Variants in PARD3B observed in about 807,000 individuals in gnomAD.
The protein encoded by PARD3B is partitioning defective 3 homolog B.
Under a neutral mutation model 130.2 loss-of-function variants are expected in PARD3B, and 103 were observed. The ratio of observed to expected loss-of-function variants is 0.79; its 90% confidence interval spans 0.67 to 0.93. The LOEUF (loss-of-function observed/expected upper bound fraction) is 0.93. Among genes scored for constraint, PARD3B ranks in the 40% least tolerant of loss-of-function variants. PARD3B has a pLI of 0.00. For missense variants in PARD3B, 1,609 were observed against 1,499.2 expected (o/e 1.07, Z -1.21); for synonymous variants, 583 against 553.2 (o/e 1.05, Z -0.76).
At chr2:205,431,302 C>T (rs1329691022) in intron 19 of PARD3B, among the ~76,000 whole-genome samples, 1 of 152,106 alleles carries the variant, frequency 6.6e-6, no homozygotes, top group Non-Finnish European at 1.5e-5. Flanking sequence ...GTCTTGAACT[C>T]CTGACCTCAA....
At chr2:204,913,762 T>C (rs149062584) in intron 2 of PARD3B, among the ~76,000 whole-genome samples, 58 of 152,348 alleles carry the variant, frequency 3.8e-4, no homozygotes, top group South Asian at 1.2e-3. Flanking sequence ...ATTTAAGAAT[T>C]AACTAAAAAT....
chr2:204,901,020 G>A (rs2046835723), intron 2 of PARD3B, among the ~76,000 whole-genome samples: 1 of 152,000 alleles, frequency 6.6e-6, no homozygotes, highest in Non-Finnish European at 1.5e-5. Context: ...GGGGAGGGGT[G>A]ACACAAGGAC....
chr2:205,217,894 A>ATATAT (rs1559553191), intron 15 of PARD3B, among the ~76,000 whole-genome samples: 1 of 31,074 alleles, frequency 3.2e-5, no homozygotes, highest in Non-Finnish European at 5.8e-5. Flanking sequence ...ATATATATAT[A>ATATAT]TTTTTTTTTT....
chr2:205,067,893 A>G (rs1200968026), intron 4 of PARD3B, among the ~76,000 whole-genome samples: 2 of 152,086 alleles, frequency 1.3e-5, no homozygotes, highest in Non-Finnish European at 2.9e-5. Context: ...TCTGTTTTAT[A>G]TATTGCTGAA....
At chr2:205,419,975 G>A (rs368582926) in intron 19 of PARD3B, among the ~76,000 whole-genome samples, 2 of 152,228 alleles carry the variant, frequency 1.3e-5, no homozygotes. Context: ...ATATATTTTC[G>A]AAAGATTTGC....
At chr2:205,152,734 C>T (rs2161026) in intron 10 of PARD3B, among the ~76,000 whole-genome samples, 50,195 of 151,924 alleles carry the variant, frequency 0.33, 8,732 homozygotes, top group Admixed American at 0.46. Context: ...TTGTTATTAC[C>T]GATCTCCTGA....
intron 21 of PARD3B, among the ~76,000 whole-genome samples, chr2:205,519,664 A>G (rs1382610341): frequency 1.3e-5 from 2 of 152,100 alleles, no homozygotes; most frequent in Non-Finnish European, 2.9e-5. Flanking sequence ...TGGCCATTTG[A>G]GTTACTGGAG....
chr2:204,984,912 C>T (rs990508037), intron 3 of PARD3B, among the ~76,000 whole-genome samples: 1 of 151,958 alleles, frequency 6.6e-6, no homozygotes, highest in Non-Finnish European at 1.5e-5. Context: ...ACTGCCCACC[C>T]CCCCGCACCC....
Position 205,086,654 on chromosome 2 carries a change from GGAAACCTTTGGAGGCAC to G in PARD3B, c.505-17771_505-17755del, listed in dbSNP as rs539539322. ...CATGACAGTGGTGGAGGAAATGGGG[GGAAACCTTTGGAGGCAC>G]TCCTGAAAGAATGGAGAGAGAAATT... On this transcript the variant is annotated intron_variant, in intron 4 of 22. Coordinates refer to ENST00000406610, the MANE Select transcript of PARD3B (RefSeq NM_001302769.2). Among the ~76,000 whole-genome samples the G allele has an allele frequency of 6.4e-4, 98 of 152,212 alleles. 2 individuals are homozygous for G. In the East Asian group the frequency reaches 0.018, roughly 28 times the overall value.
intron 21 of PARD3B, among the ~76,000 whole-genome samples, chr2:205,524,629 A>AT (rs1280941075): frequency 1.3e-5 from 2 of 151,950 alleles, no homozygotes; most frequent in Non-Finnish European, 2.9e-5. Flanking sequence ...TATCTTTTAG[A>AT]TTTTTTCCGC....
At chr2:204,722,777 T>C (rs1430976749) in intron 2 of PARD3B, among the ~76,000 whole-genome samples, 1 of 152,106 alleles carries the variant, frequency 6.6e-6, no homozygotes, top group Non-Finnish European at 1.5e-5. Context: ...GGAGCTCTGG[T>C]GGGGGCATCT....
At chr2:205,215,256 G>T (rs1278219888) in intron 15 of PARD3B, among the ~76,000 whole-genome samples, 1 of 151,596 alleles carries the variant, frequency 6.6e-6, no homozygotes, top group Non-Finnish European at 1.5e-5. Flanking sequence ...GATCCTAAGA[G>T]TTCACTTTGG....
intron 3 of PARD3B, among the ~76,000 whole-genome samples, chr2:204,971,688 G>A (rs1691724838): frequency 1.3e-5 from 2 of 151,776 alleles, no homozygotes; most frequent in African/African-American, 4.8e-5. Context: ...AACCTTGCTA[G>A]GGTGTCATCA....
intron 19 of PARD3B, among the ~76,000 whole-genome samples, chr2:205,427,156 A>G (rs2047172444): frequency 6.6e-6 from 1 of 152,240 alleles, no homozygotes; most frequent in Admixed American, 6.5e-5. Context: ...ATCCTCTTAC[A>G]GTGTAGGTGG....
chr2:205,176,497 A>G lies in PARD3B; in HGVS notation c.1844A>G (p.Asn615Ser). ...AAGCCATGCTTTGAGAACTGTCAAA[A>G]TGCTGTAACCACCTCTAGGCGAAAT... is the stretch of plus-strand genomic sequence containing the variant. ...FSKPCFENCQ[N>S]AVTTSRRNDN... The change falls in exon 13 of 23, where the codon AAT (asparagine) becomes AGT (serine). Residue 615 changes from asparagine to serine, a missense_variant. Transcript: ENST00000406610. The surrounding 1 kb of genome is among the most constrained non-coding windows in gnomAD (Gnocchi z 5.3). 6.2e-7 allele frequency: 1 copy of G among 1,612,996 alleles called. No individual in the cohort carries two copies. Among genetic ancestry groups the G allele is most frequent in the Non-Finnish European group, 8.5e-7 (1 of 1,179,154 alleles).
At chr2:205,024,162 CTTTTTTTTTTTTT>C (rs1172893472) in intron 3 of PARD3B, among the ~76,000 whole-genome samples, 21 of 98,744 alleles carry the variant, frequency 2.1e-4, no homozygotes, top group African/African-American at 7.4e-4. Flanking sequence ...TTCTTTCTTT[CTTTTTTTTTTTTT>C]TTTTTTTTTG....
chr2:204,625,523 A>G (rs984929907), intron 1 of PARD3B, among the ~76,000 whole-genome samples: 11 of 152,210 alleles, frequency 7.2e-5, no homozygotes, highest in African/African-American at 2.4e-4. Flanking sequence ...AGCATTGACA[A>G]TGAAGAAATT....
intron 16 of PARD3B, among the ~76,000 whole-genome samples, chr2:205,298,365 T>A (rs952717858): frequency 1.3e-5 from 2 of 152,162 alleles, no homozygotes; most frequent in Admixed American, 1.3e-4. Context: ...CTTATTCAAT[T>A]TCTGTTTCTT....
rs1300865444 is a variant in PARD3B at position 204,723,197 on chromosome 2, A to G, written c.222+36915A>G. Reference sequence around the variant, plus strand: ...GTTGAGTATGTTTTTAACAAAGTATAAGTAGATTGGTTTTAAGTTGACTTA... The same window carrying G: ...GTTGAGTATGTTTTTAACAAAGTATGAGTAGATTGGTTTTAAGTTGACTTA... On this transcript the variant is annotated intron_variant, in intron 2 of 22. Coordinates refer to ENST00000406610, the MANE Select transcript of PARD3B (RefSeq NM_001302769.2). Among the ~76,000 whole-genome samples, 4 of 152,264 alleles carry G rather than the reference A, an allele frequency of 2.6e-5. No individual in the cohort carries two copies. The East Asian group carries it at 7.7e-4, about 29-fold the overall frequency.
Sources: allele counts gnomAD v4.1 joint callset (sites outside exome capture counted in the v4.1 genomes callset), GRCh38; gene constraint gnomAD v4.1.1; non-coding constraint Gnocchi (gnomAD v3.1); transcripts MANE v1.5; gene names NCBI Gene and HGNC (gene_info 2026-07-23, HGNC 2026-07-21).